The following ERBB4 variants were observed in gnomAD, a reference collection of about 807,000 sequenced individuals.
ERBB4 encodes receptor tyrosine-protein kinase erbB-4.
A neutral mutation model predicts 158.0 loss-of-function variants in ERBB4; 42 were observed. The observed-to-expected ratio is 0.27, with a 90% CI of 0.21 to 0.34. ERBB4 has a LOEUF of 0.34. Ranked by LOEUF, ERBB4 falls within the 10% of genes least tolerant of loss-of-function variation. The probability of loss-of-function intolerance (pLI) is 1.00; values close to 1 mark genes in which losing one functional copy is unlikely to be tolerated. For missense variants in ERBB4, 1,333 were observed against 1,624.1 expected (o/e 0.82, Z 3.08); for synonymous variants, 583 against 558.7 (o/e 1.04, Z -0.61).
chr2:212,494,925 A>C (rs761432673), intron 1 of ERBB4, among the ~76,000 whole-genome samples: 2 of 152,274 alleles, frequency 1.3e-5, no homozygotes, highest in East Asian at 3.9e-4. Flanking sequence ...GTTAATGCAG[A>C]TATGACACAA....
rs1381185503 is a variant in ERBB4 at position 212,124,772 on chromosome 2, G to A, written c.214C>T (p.Arg72Trp). 3.7e-6 allele frequency: 6 copies of A among 1,613,960 alleles called. No homozygotes were observed. The highest frequency in any genetic ancestry group is 2.2e-5 in the East Asian group (1 of 44,892). Residue 72 changes from arginine to tryptophan, a missense_variant, in exon 2 of 28, where the codon CGG becomes TGG. This residue lies in a region of ERBB4 where 438 missense variants were observed against 586.9 expected (regional missense o/e 0.75). Coordinates refer to ENST00000342788, the MANE Select transcript of ERBB4 (RefSeq NM_005235.3). The part of the protein sequence containing the change: ...NLEITSIEHN[R>W]DLSFLRSVRE... Reference sequence around the variant, plus strand: ...TTTACCCGCAGGAAGGAGAGGTCCCGGTTGTGCTCAATGCTGGTTATCTCC... The same window carrying A: ...TTTACCCGCAGGAAGGAGAGGTCCCAGTTGTGCTCAATGCTGGTTATCTCC...
At chr2:212,397,532 G>T (rs1196753277) in intron 1 of ERBB4, among the ~76,000 whole-genome samples, 3 of 150,776 alleles carry the variant, frequency 2.0e-5, no homozygotes, top group Non-Finnish European at 3.0e-5. Context: ...GGGAAGGGAG[G>T]GAGGGAGGTT....
chr2:211,512,379 C>T (rs1160665103), intron 20 of ERBB4, among the ~76,000 whole-genome samples: 11 of 151,512 alleles, frequency 7.3e-5, no homozygotes, highest in Admixed American at 7.2e-4. Context: ...GTCCTCTCAA[C>T]AGAGCACTGA....
chr2:211,625,861 CCT>C (rs1447553774), intron 17 of ERBB4, among the ~76,000 whole-genome samples: 7 of 152,154 alleles, frequency 4.6e-5, no homozygotes, highest in African/African-American at 1.7e-4. Flanking sequence ...TGTGTATATG[CCT>C]TGGCATATAC....
At chr2:211,531,144 C>T (rs1180010431) in intron 20 of ERBB4, among the ~76,000 whole-genome samples, 1 of 151,984 alleles carries the variant, frequency 6.6e-6, no homozygotes, top group African/African-American at 2.4e-5. Flanking sequence ...CTATCTCTTA[C>T]CATATTAAAA....
chr2:212,294,399 C>G (rs1197866366), intron 1 of ERBB4, among the ~76,000 whole-genome samples: 3 of 151,926 alleles, frequency 2.0e-5, no homozygotes, highest in Non-Finnish European at 4.4e-5. Flanking sequence ...TATTTGGAGT[C>G]AATCATCTGA....
chr2:212,526,567 T>G lies in ERBB4; in HGVS notation c.82+11882A>C, dbSNP rs1043232865. 6.6e-5 allele frequency among the ~76,000 whole-genome samples: 10 copies of G among 152,144 alleles called. 1 individual carries two copies. The highest frequency in any genetic ancestry group is 6.6e-4 in the Admixed American group (10 of 15,266). On this transcript the variant is annotated intron_variant, in intron 1 of 27. Coordinates refer to ENST00000342788, the MANE Select transcript of ERBB4 (RefSeq NM_005235.3). ...GGCTGCTAAATTTGAAGTTAACAAC[T>G]GGGAAATATTATTAACTGTTTAGTT...
At chr2:211,431,913 T>C (rs1191409394) in intron 20 of ERBB4, among the ~76,000 whole-genome samples, 2 of 152,154 alleles carry the variant, frequency 1.3e-5, no homozygotes, top group African/African-American at 2.4e-5. Context: ...TTAATATCTA[T>C]ACAAATTCAG....
chr2:212,387,105 A>C (rs1244761083), intron 1 of ERBB4, among the ~76,000 whole-genome samples: 1 of 152,132 alleles, frequency 6.6e-6, no homozygotes, highest in South Asian at 2.1e-4. Context: ...AATAACCTGA[A>C]TTCATCCAGT....
chr2:211,814,993 G>C (rs1575185943), intron 3 of ERBB4, among the ~76,000 whole-genome samples: 1 of 152,186 alleles, frequency 6.6e-6, no homozygotes, highest in African/African-American at 2.4e-5. Flanking sequence ...GACAGGCTCA[G>C]TTGATAGGTG....
chr2:211,807,954 C>A (rs2076659222), intron 3 of ERBB4, among the ~76,000 whole-genome samples: 1 of 152,160 alleles, frequency 6.6e-6, no homozygotes, highest in African/African-American at 2.4e-5. Flanking sequence ...ATATCCTTTG[C>A]CCACTTTTTG....
chr2:212,379,236 CAA>C (rs2090425557), intron 1 of ERBB4, among the ~76,000 whole-genome samples: 2 of 151,704 alleles, frequency 1.3e-5, no homozygotes, highest in African/African-American at 4.8e-5. Flanking sequence ...CTGTTATCCT[CAA>C]AGTCATTATT....
intron 1 of ERBB4, among the ~76,000 whole-genome samples, chr2:212,347,030 G>GGC (rs2089035596): frequency 6.6e-6 from 1 of 152,140 alleles, no homozygotes; most frequent in African/African-American, 2.4e-5. Context: ...ATGAACTTGT[G>GGC]TGGCACTGCC....
intron 1 of ERBB4, among the ~76,000 whole-genome samples, chr2:212,286,552 T>C (rs1325630333): frequency 6.6e-6 from 1 of 150,630 alleles, no homozygotes; most frequent in Non-Finnish European, 1.5e-5. Context: ...AAATGCATAT[T>C]AAAGTTGTTC....
chr2:212,163,589 G>C (rs1294242346), intron 1 of ERBB4, among the ~76,000 whole-genome samples: 3 of 148,002 alleles, frequency 2.0e-5, no homozygotes, highest in African/African-American at 8.0e-5. Context: ...AATTTTTACT[G>C]AGTCATGTCA....
chr2:211,675,769 TAA>T (rs1491500833), intron 13 of ERBB4, among the ~76,000 whole-genome samples: 1 of 121,436 alleles, frequency 8.2e-6, no homozygotes, highest in African/African-American at 3.0e-5. Context: ...ATATTTAATA[TAA>T]TATATATATA....
intron 1 of ERBB4, among the ~76,000 whole-genome samples, chr2:212,424,418 T>C (rs944585357): frequency 6.6e-6 from 1 of 152,076 alleles, no homozygotes. Context: ...TGCACATATA[T>C]CCACATATAT....
At chr2:211,936,621 A>G (rs961143693) in intron 3 of ERBB4, among the ~76,000 whole-genome samples, 1 of 152,132 alleles carries the variant, frequency 6.6e-6, no homozygotes, top group African/African-American at 2.4e-5. Context: ...CTGGTAAAGA[A>G]GACAGATCCT....
At chr2:212,224,624 C>G (rs1192767266) in intron 1 of ERBB4, among the ~76,000 whole-genome samples, 5 of 151,906 alleles carry the variant, frequency 3.3e-5, no homozygotes, top group Non-Finnish European at 5.9e-5. Flanking sequence ...GGCAACAACC[C>G]TAAGAGAACA....
Sources: allele counts gnomAD v4.1 joint callset (sites outside exome capture counted in the v4.1 genomes callset), GRCh38; gene constraint gnomAD v4.1.1; regional missense constraint gnomAD v4.1.1; transcripts MANE v1.5; gene names NCBI Gene and HGNC (gene_info 2026-07-23, HGNC 2026-07-21).